The following DTNB variants were observed in gnomAD, a reference collection of about 807,000 sequenced individuals.
The protein encoded by DTNB is DTN-B.
In DTNB, 63 loss-of-function variants were observed where a neutral mutation model predicts 90.7. The observed-to-expected ratio is 0.69, with a 90% confidence interval of 0.57 to 0.86. The LOEUF is 0.86. Among genes scored for constraint, DTNB ranks in the 40% least tolerant of loss-of-function variants. DTNB has a pLI of 0.00. For synonymous variants in DTNB, 277 were observed against 286.7 expected (o/e 0.97, Z 0.34); for missense variants, 744 against 807.1 (o/e 0.92, Z 0.95).
chr2:25,651,274 G>A (rs1483776322), intron 2 of DTNB, among the ~76,000 whole-genome samples: 1 of 152,164 alleles, frequency 6.6e-6, no homozygotes, highest in African/African-American at 2.4e-5. Context: ...TATGGATGAG[G>A]AAACAGAGGC....
At chr2:25,410,216 T>G (rs1375396539) in intron 16 of DTNB, among the ~76,000 whole-genome samples, 1 of 152,040 alleles carries the variant, frequency 6.6e-6, no homozygotes, top group Non-Finnish European at 1.5e-5. Context: ...TGAAGGATGG[T>G]TTTCATATGC....
intron 8 of DTNB, among the ~76,000 whole-genome samples, chr2:25,540,913 T>G (rs62130088): frequency 2.4e-4 from 36 of 152,132 alleles, no homozygotes; most frequent in East Asian, 5.8e-4. Flanking sequence ...GCGGAAGGCC[T>G]CAGGGTCCTC....
intron 12 of DTNB, among the ~76,000 whole-genome samples, chr2:25,448,855 C>CAAA (rs57986514): frequency 1.3e-5 from 1 of 79,548 alleles, no homozygotes; most frequent in Admixed American, 1.4e-4. Context: ...GATTCCATCT[C>CAAA]AAAAAAAAAA....
At chr2:25,410,075 C>A (rs921275694) in intron 16 of DTNB, among the ~76,000 whole-genome samples, 2 of 152,122 alleles carry the variant, frequency 1.3e-5, no homozygotes, top group African/African-American at 4.8e-5. Context: ...TTTCTTCATC[C>A]TTTTCTGTTA....
In DTNB at chr2:25,665,295, T is replaced by A. The variant is rs371176616; in HGVS notation, c.-2+8091A>T. On this transcript the variant is annotated intron_variant, in intron 1 of 20. Coordinates refer to ENST00000406818, the MANE Select transcript of DTNB (RefSeq NM_021907.5). ...TGTAAGTTCACCACCTCCCACCATC[T>A]CCCTGTCAGTTTTTCTTTGGATGTC... Among the ~76,000 whole-genome samples the A allele has an allele frequency of 3.1e-4, 47 of 152,260 alleles. No homozygotes were observed. The South Asian group carries it at 9.3e-3, about 30-fold the overall frequency.
intron 16 of DTNB, among the ~76,000 whole-genome samples, chr2:25,414,454 C>T (rs1291666439): frequency 6.6e-6 from 1 of 152,168 alleles, no homozygotes; most frequent in Non-Finnish European, 1.5e-5. Context: ...CAGGGTTTCA[C>T]CGTGTTAGCC....
At chr2:25,609,467 G>A (rs922811348) in intron 4 of DTNB, among the ~76,000 whole-genome samples, 2 of 151,710 alleles carry the variant, frequency 1.3e-5, no homozygotes, top group African/African-American at 4.8e-5. Context: ...GTGTGGTGGC[G>A]CATGCCTGTA....
At chr2:25,614,888 G>C (rs1377139301) in intron 4 of DTNB, among the ~76,000 whole-genome samples, 3 of 152,166 alleles carry the variant, frequency 2.0e-5, no homozygotes, top group Non-Finnish European at 4.4e-5. Flanking sequence ...ATAACAGCTG[G>C]ATGTCTATAA....
chr2:25,552,841 A>ATTTTTTTTT (rs544243784), intron 8 of DTNB, among the ~76,000 whole-genome samples: 2 of 86,034 alleles, frequency 2.3e-5, no homozygotes, highest in Non-Finnish European at 4.6e-5. Flanking sequence ...TCTCTTTTTG[A>ATTTTTTTTT]TTTTTTTTTT....
intron 12 of DTNB, among the ~76,000 whole-genome samples, chr2:25,449,757 T>C (rs1439241797): frequency 7.8e-6 from 1 of 128,296 alleles, no homozygotes; most frequent in African/African-American, 2.7e-5. Context: ...GGTTTGTCTG[T>C]TTTTCTTTTT....
intron 13 of DTNB, 89 bp from the exon 14 acceptor site, chr2:25,433,088 G>C: frequency 7.8e-7 from 1 of 1,276,776 alleles, no homozygotes; most frequent in African/African-American, 1.5e-5. Context: ...AACTCTAGCA[G>C]TGCCTCCTCT....
intron 9 of DTNB, among the ~76,000 whole-genome samples, chr2:25,484,431 G>C (rs2065705010): frequency 6.6e-6 from 1 of 152,100 alleles, no homozygotes. Context: ...GGGATCACAG[G>C]CTTTATTGTT....
chr2:25,542,030 C>T (rs537798933), intron 8 of DTNB, among the ~76,000 whole-genome samples: 49 of 152,320 alleles, frequency 3.2e-4, no homozygotes, highest in African/African-American at 1.2e-3. Context: ...AAATACTTTA[C>T]ATTAGGTTAA....
chr2:25,388,170 G>C (rs1460138613), intron 17 of DTNB, 32 bp downstream of exon 17: 1 of 1,547,856 alleles, frequency 6.5e-7, no homozygotes, highest in South Asian at 1.2e-5. Flanking sequence ...CATCCCTTCA[G>C]CTCCCCGCTG....
intron 3 of DTNB, among the ~76,000 whole-genome samples, chr2:25,635,000 G>T (rs1182554214): frequency 7.2e-6 from 1 of 138,108 alleles, no homozygotes; most frequent in Non-Finnish European, 1.6e-5. Context: ...CTCCACTATT[G>T]TCCTATGACC....
intron 6 of DTNB, among the ~76,000 whole-genome samples, chr2:25,592,084 AAT>A (rs1225943551): frequency 3.3e-5 from 5 of 150,266 alleles, no homozygotes; most frequent in Admixed American, 6.6e-5. Context: ...AAAAAAAAAA[AAT>A]ATGCCTACCC....
At chr2:25,451,482 C>T (rs746254390) in intron 12 of DTNB, 66 bp downstream of exon 12, 98 of 1,508,104 alleles carry the variant, frequency 6.5e-5, no homozygotes, top group Non-Finnish European at 8.4e-5. Flanking sequence ...CTACTATTCC[C>T]TTTCCATTTG....
At chr2:25,610,715 C>CTTT (rs11392863) in intron 4 of DTNB, among the ~76,000 whole-genome samples, 1 of 147,500 alleles carries the variant, frequency 6.8e-6, no homozygotes, top group African/African-American at 2.5e-5. Flanking sequence ...AACTTCTATC[C>CTTT]TTTTTTTTTT....
rs756332863 is a variant in DTNB at position 25,562,631 on chromosome 2, G to A, written c.876+14207C>T. On this transcript the variant is annotated intron_variant, in intron 8 of 20. Transcript: ENST00000406818. ...TTTATTTAGCTGTCCTACTGGGTAC[G>A]AAATAGCACCTCACTGTGTTTTTGA... Among the ~76,000 whole-genome samples the A allele has an allele frequency of 3.3e-5, 5 of 152,270 alleles. No individual in the cohort carries two copies. The East Asian group carries it at 7.7e-4, about 24-fold the overall frequency.
Sources: gnomAD v4.1 joint callset for allele counts (sites outside exome capture counted in the v4.1 genomes callset) on GRCh38, gnomAD v4.1.1 for gene constraint, MANE v1.5 for transcripts, NCBI Gene and HGNC (gene_info 2026-07-23, HGNC 2026-07-21) for gene names.